Variants in MACROD2 observed in about 807,000 individuals in gnomAD.
MACROD2 encodes the protein ADP-ribose glycohydrolase MACROD2.
Under a neutral mutation model 70.4 loss-of-function variants are expected in MACROD2, and 36 were observed. That is an observed-to-expected ratio of 0.51 (90% confidence interval 0.39 to 0.68). The LOEUF (loss-of-function observed/expected upper bound fraction) is 0.68, where lower values mean the gene tolerates loss of function less well. Among genes scored for constraint, MACROD2 ranks in the 30% least tolerant of loss-of-function variants. The pLI is 0.00. For missense variants in MACROD2, 496 were observed against 538.4 expected (o/e 0.92, Z 0.78); for synonymous variants, 172 against 178.8 (o/e 0.96, Z 0.30).
At chr20:15,851,455 A>G (rs2064297280) in intron 8 of MACROD2, among the ~76,000 whole-genome samples, 2 of 152,040 alleles carry the variant, frequency 1.3e-5, no homozygotes, top group South Asian at 4.2e-4. Flanking sequence ...GCAGATGGCC[A>G]TCTTCCCCCT....
intron 5 of MACROD2, among the ~76,000 whole-genome samples, chr20:14,911,924 G>A (rs997880149): frequency 3.3e-5 from 5 of 152,028 alleles, no homozygotes; most frequent in African/African-American, 4.8e-5. Flanking sequence ...ACAGCACTGG[G>A]ATTCAGATCT....
At chr20:15,021,246 G>A (rs2075176374) in intron 5 of MACROD2, among the ~76,000 whole-genome samples, 1 of 9,834 alleles carries the variant, frequency 1.0e-4, no homozygotes, top group Non-Finnish European at 1.9e-4. Context: ...ACACCTGTGT[G>A]TATGTATACA....
intron 2 of MACROD2, among the ~76,000 whole-genome samples, chr20:14,012,999 A>G (rs1354713731): frequency 6.6e-6 from 1 of 152,156 alleles, no homozygotes; most frequent in Non-Finnish European, 1.5e-5. Context: ...AAGTGTGTGC[A>G]TAAGTTTTGA....
chr20:15,578,807 C>G (rs138498175), intron 8 of MACROD2, among the ~76,000 whole-genome samples: 24 of 152,184 alleles, frequency 1.6e-4, no homozygotes, highest in African/African-American at 5.5e-4. Context: ...CTTTATGTTT[C>G]AGTGAAAAGC....
intron 8 of MACROD2, among the ~76,000 whole-genome samples, chr20:15,548,089 C>CTCCA (rs2048048407): frequency 6.6e-6 from 1 of 152,138 alleles, no homozygotes. Flanking sequence ...CCCTCCCTTC[C>CTCCA]TCCATCCATT....
chr20:14,864,424 T>G (rs1303664056), intron 5 of MACROD2, among the ~76,000 whole-genome samples: 3 of 151,934 alleles, frequency 2.0e-5, no homozygotes, highest in Non-Finnish European at 4.4e-5. Flanking sequence ...AATCAGTAAA[T>G]TTTTTTATAC....
At chr20:14,538,729 C>T (rs1281148283) in intron 4 of MACROD2, among the ~76,000 whole-genome samples, 1 of 152,200 alleles carries the variant, frequency 6.6e-6, no homozygotes, top group Non-Finnish European at 1.5e-5. Context: ...TGTTATCCTT[C>T]AGATGTCAGC....
intron 8 of MACROD2, among the ~76,000 whole-genome samples, chr20:15,727,150 T>A (rs796804317): frequency 3.7e-4 from 56 of 151,548 alleles, no homozygotes; most frequent in African/African-American, 1.3e-3. Context: ...TCAGTTTCAA[T>A]CTTCTGCATG....
intron 8 of MACROD2, among the ~76,000 whole-genome samples, chr20:15,615,870 G>A (rs2049030209): frequency 6.6e-6 from 1 of 152,164 alleles, no homozygotes. Flanking sequence ...CAGTGTAAAA[G>A]TATAATAATA....
intron 3 of MACROD2, among the ~76,000 whole-genome samples, chr20:14,450,343 C>A (rs569280828): frequency 6.6e-6 from 1 of 152,078 alleles, no homozygotes; most frequent in African/African-American, 2.4e-5. Flanking sequence ...TAAATGACAC[C>A]ATTTTAGGAA....
At chr20:15,725,768 A>G (rs747031334) in intron 8 of MACROD2, among the ~76,000 whole-genome samples, 3 of 151,944 alleles carry the variant, frequency 2.0e-5, no homozygotes, top group Admixed American at 6.6e-5. Context: ...AGATATCTAT[A>G]TGTAGGTCCT....
At chr20:16,045,815 T>C (rs2067372108) in intron 17 of MACROD2, among the ~76,000 whole-genome samples, 1 of 152,050 alleles carries the variant, frequency 6.6e-6, no homozygotes, top group South Asian at 2.1e-4. Context: ...AAGATATCAC[T>C]GGACGGGGGC....
At chr20:14,784,438 C>G (rs2072339233) in intron 5 of MACROD2, among the ~76,000 whole-genome samples, 1 of 152,038 alleles carries the variant, frequency 6.6e-6, no homozygotes, top group African/African-American at 2.4e-5. Context: ...GGTGGCACTT[C>G]ATTTTAGCTT....
intron 3 of MACROD2, among the ~76,000 whole-genome samples, chr20:14,434,929 T>C (rs553014952): frequency 2.0e-5 from 3 of 152,284 alleles, no homozygotes; most frequent in African/African-American, 4.8e-5. Context: ...CCTAATACTT[T>C]CTCAGTGAAT....
At chr20:14,284,089 C>A (rs1369114416) in intron 3 of MACROD2, among the ~76,000 whole-genome samples, 1 of 152,154 alleles carries the variant, frequency 6.6e-6, no homozygotes, top group Non-Finnish European at 1.5e-5. Context: ...AGGCTTATTT[C>A]TGCTGTATAA....
intron 3 of MACROD2, among the ~76,000 whole-genome samples, chr20:14,432,594 G>A (rs1312916909): frequency 6.6e-6 from 1 of 151,948 alleles, no homozygotes; most frequent in Non-Finnish European, 1.5e-5. Flanking sequence ...GTTACTTTCT[G>A]TTTTCTTAAA....
At chr20:14,563,816 A>G (rs1338379731) in intron 4 of MACROD2, among the ~76,000 whole-genome samples, 2 of 151,990 alleles carry the variant, frequency 1.3e-5, no homozygotes, top group African/African-American at 4.8e-5. Context: ...TCAAATTACC[A>G]ACATCGTTTT....
chr20:14,327,769 A>C (rs2082762040), intron 3 of MACROD2, among the ~76,000 whole-genome samples: 1 of 152,114 alleles, frequency 6.6e-6, no homozygotes. Context: ...TTTCTTTATA[A>C]ATTAAAAAGT....
At chr20:15,580,233 C>G (rs549273282) in intron 8 of MACROD2, among the ~76,000 whole-genome samples, 106 of 152,332 alleles carry the variant, frequency 7.0e-4, no homozygotes, top group African/African-American at 2.5e-3. Context: ...CTACCTGCAT[C>G]TGAAGTCACA....
Sources: allele counts gnomAD v4.1 joint callset (sites outside exome capture counted in the v4.1 genomes callset), GRCh38; gene constraint gnomAD v4.1.1; transcripts MANE v1.5; gene names NCBI Gene and HGNC (gene_info 2026-07-23, HGNC 2026-07-21).